Variants in NEK1 observed in about 807,000 individuals in gnomAD.
NEK1 encodes the protein serine/threonine-protein kinase Nek1.
Under a neutral mutation model 182.1 loss-of-function variants are expected in NEK1, and 137 were observed. The ratio of observed to expected loss-of-function variants is 0.75; its 90% CI spans 0.65 to 0.87. The LOEUF is 0.87. NEK1 is among the 40% of genes least tolerant of loss of function. The pLI, the probability that NEK1 is intolerant of heterozygous loss-of-function variation, is 0.00. For synonymous variants in NEK1, 513 were observed against 492.2 expected (o/e 1.04, Z -0.56); for missense variants, 1,391 against 1,494.4 (o/e 0.93, Z 1.14).
chr4:169,395,685 CA>C (rs1419406736), intron 35 of NEK1, among the ~76,000 whole-genome samples: 1 of 152,150 alleles, frequency 6.6e-6, no homozygotes, highest in Non-Finnish European at 1.5e-5. Flanking sequence ...GTAGAATTAA[CA>C]AAAGCTAACT....
chr4:169,472,156 G>A (rs1013055612), intron 26 of NEK1, among the ~76,000 whole-genome samples: 1 of 150,958 alleles, frequency 6.6e-6, no homozygotes, highest in Non-Finnish European at 1.5e-5. Context: ...TGCCACTGAG[G>A]TACAAAAAAC....
chr4:169,580,494 CAAAAAAAAAA>C (rs11348370), intron 11 of NEK1, among the ~76,000 whole-genome samples: 2 of 65,844 alleles, frequency 3.0e-5, no homozygotes, highest in Non-Finnish European at 5.9e-5. Context: ...AACTTCATCT[CAAAAAAAAAA>C]AAAAAAAAAA....
At chr4:169,568,490 T>G (rs1194016804) in intron 12 of NEK1, among the ~76,000 whole-genome samples, 1 of 151,856 alleles carries the variant, frequency 6.6e-6, no homozygotes, top group Non-Finnish European at 1.5e-5. Flanking sequence ...CCAACCCACC[T>G]GACTGATTTC....
intron 29 of NEK1, among the ~76,000 whole-genome samples, chr4:169,433,262 G>A (rs988471760): frequency 6.6e-6 from 1 of 152,166 alleles, no homozygotes; most frequent in Non-Finnish European, 1.5e-5. Context: ...GTTTTGCCAT[G>A]TTGGCCAGGC....
intron 31 of NEK1, among the ~76,000 whole-genome samples, chr4:169,406,972 C>G (rs900069338): frequency 4.0e-5 from 6 of 151,846 alleles, no homozygotes; most frequent in African/African-American, 1.5e-4. Context: ...GAACCTAATT[C>G]TCTTGAATTT....
intron 21 of NEK1, 114 bp from the exon 22 acceptor site, chr4:169,507,906 C>T: frequency 1.2e-6 from 1 of 809,746 alleles, no homozygotes; most frequent in Admixed American, 2.4e-5. Context: ...AAATGGAAAT[C>T]ATTTAATGCT....
intron 26 of NEK1, among the ~76,000 whole-genome samples, chr4:169,475,234 A>G (rs138500531): frequency 1.2e-3 from 179 of 152,254 alleles, no homozygotes; most frequent in African/African-American, 3.7e-3. Context: ...ATATATGAGA[A>G]AACTACCCAA....
chr4:169,481,600 T>C (rs539017720), intron 23 of NEK1, among the ~76,000 whole-genome samples: 26 of 152,328 alleles, frequency 1.7e-4, no homozygotes, highest in African/African-American at 5.8e-4. Flanking sequence ...AAATAATTTT[T>C]TTTTTCTAAC....
At chr4:169,602,432 T>C (rs1770656950) in intron 3 of NEK1, 82 bp downstream of exon 3, 1 of 799,454 alleles carries the variant, frequency 1.3e-6, no homozygotes, top group South Asian at 1.6e-5. Flanking sequence ...TTACTTTTTT[T>C]TTTTTTTAAA....
intron 18 of NEK1, among the ~76,000 whole-genome samples, chr4:169,549,806 G>A (rs1021074550): frequency 5.3e-5 from 8 of 151,954 alleles, no homozygotes; most frequent in African/African-American, 1.9e-4. Flanking sequence ...TGCCACCTCC[G>A]CTTCCCAGGT....
At position 169,590,813 on chromosome 4, in the gene NEK1, G is replaced by C; in HGVS notation, c.313-4C>G. On this transcript the variant is annotated splice_region_variant and splice_polypyrimidine_tract_variant and intron_variant, in intron 5 of 35. Coordinates refer to ENST00000507142, the MANE Select transcript of NEK1 (RefSeq NM_001199397.3). ...TCTGTACAAACCAGTCCAAAATCTA[G>C]GAAGAAAAATCAGATCTGTCAAGCC... is the stretch of plus-strand genomic sequence containing the variant. The C allele has an allele frequency of 7.6e-6, 12 of 1,579,634 alleles. No homozygotes were observed. Among genetic ancestry groups the C allele is most frequent in the Non-Finnish European group, 9.5e-6 (11 of 1,159,372 alleles).
intron 27 of NEK1, among the ~76,000 whole-genome samples, chr4:169,460,327 T>A (rs934834168): frequency 4.1e-5 from 6 of 147,714 alleles, no homozygotes; most frequent in Admixed American, 6.7e-5. Flanking sequence ...CTTACATGGA[T>A]GGTGGCAGGT....
intron 12 of NEK1, among the ~76,000 whole-genome samples, chr4:169,575,720 T>C (rs1298296976): frequency 6.6e-6 from 1 of 152,172 alleles, no homozygotes; most frequent in Non-Finnish European, 1.5e-5. Context: ...CAGTGGACAC[T>C]TTCCTCTTTG....
At chr4:169,411,003 C>G (rs973969178) in intron 31 of NEK1, among the ~76,000 whole-genome samples, 2 of 152,214 alleles carry the variant, frequency 1.3e-5, no homozygotes, top group Non-Finnish European at 2.9e-5. Flanking sequence ...TGTGTGCGTG[C>G]GTATCCTGTT....
intron 27 of NEK1, among the ~76,000 whole-genome samples, chr4:169,450,740 C>T (rs1741553676): frequency 6.6e-6 from 1 of 152,200 alleles, no homozygotes; most frequent in South Asian, 2.1e-4. Context: ...TATGAAGAAA[C>T]TGCATCAATT....
intron 29 of NEK1, among the ~76,000 whole-genome samples, chr4:169,427,988 C>CT (rs58161351): frequency 1.4e-3 from 199 of 140,154 alleles, no homozygotes; most frequent in South Asian, 3.4e-3. Context: ...CCATGCCTGG[C>CT]TTTTTTTTTT....
At chr4:169,492,259 C>A (rs1750240480) in intron 23 of NEK1, among the ~76,000 whole-genome samples, 1 of 152,216 alleles carries the variant, frequency 6.6e-6, no homozygotes, top group Admixed American at 6.5e-5. Flanking sequence ...CATGCCCGTT[C>A]TCCTCAGAAG....
At chr4:169,577,180 G>T in intron 11 of NEK1, 101 bp from the exon 12 acceptor site, 2 of 1,122,364 alleles carry the variant, frequency 1.8e-6, no homozygotes, top group Admixed American at 2.4e-5. Flanking sequence ...CATAATCATT[G>T]ATAGTATTTT....
intron 12 of NEK1, among the ~76,000 whole-genome samples, chr4:169,570,020 C>A (rs1444698834): frequency 7.0e-6 from 1 of 142,064 alleles, no homozygotes; most frequent in Non-Finnish European, 1.6e-5. Context: ...CGGCTCTGCC[C>A]GGCCGCCATC....
Sources: allele counts gnomAD v4.1 joint callset (sites outside exome capture counted in the v4.1 genomes callset), GRCh38; gene constraint gnomAD v4.1.1; transcripts MANE v1.5; gene names NCBI Gene and HGNC (gene_info 2026-07-23, HGNC 2026-07-21).